BMP5: variants seen among roughly 807,000 people sequenced by gnomAD.
BMP5 encodes the protein bone morphogenetic protein 5.
Under a neutral mutation model 46.6 loss-of-function variants are expected in BMP5, and 23 were observed. That is an observed-to-expected ratio of 0.49 (90% confidence interval 0.35 to 0.70). BMP5 has a LOEUF of 0.70. Ranked by LOEUF, BMP5 falls within the 30% of genes least tolerant of loss-of-function variation. The probability of loss-of-function intolerance (pLI) is 0.00; values close to 1 mark genes in which losing one functional copy is unlikely to be tolerated. For missense variants in BMP5, 545 were observed against 565.6 expected (o/e 0.96, Z 0.37); for synonymous variants, 204 against 191.9 (o/e 1.06, Z -0.52).
At chr6:55,870,943 C>T (rs2127556600) in intron 1 of BMP5, among the ~76,000 whole-genome samples, 1 of 151,954 alleles carries the variant, frequency 6.6e-6, no homozygotes, top group Admixed American at 6.6e-5. Context: ...TCAACTTTTT[C>T]CAGAGGAATA....
intron 6 of BMP5, among the ~76,000 whole-genome samples, chr6:55,757,824 A>C (rs1582039934): frequency 6.6e-6 from 1 of 151,930 alleles, no homozygotes; most frequent in Non-Finnish European, 1.5e-5. Flanking sequence ...GATAACGTTC[A>C]TGCTCTAGTT....
chr6:55,833,775 C>T (rs1477292987), intron 1 of BMP5, among the ~76,000 whole-genome samples: 2 of 152,118 alleles, frequency 1.3e-5, no homozygotes, highest in African/African-American at 4.8e-5. Context: ...TATAGTGTCT[C>T]TTTTCTTCTT....
At chr6:55,814,868 G>A (rs563128919) in intron 2 of BMP5, among the ~76,000 whole-genome samples, 5 of 152,262 alleles carry the variant, frequency 3.3e-5, no homozygotes, top group African/African-American at 4.8e-5. Flanking sequence ...GGTGGCTCAC[G>A]CCTGTAATCC....
chr6:55,870,028 C>CA (rs1193789037), intron 1 of BMP5, among the ~76,000 whole-genome samples: 1 of 151,524 alleles, frequency 6.6e-6, no homozygotes, highest in Non-Finnish European at 1.5e-5. Context: ...GAGGAAAGGC[C>CA]AAAAAATACT....
intron 3 of BMP5, 75 bp downstream of exon 3, chr6:55,794,204 A>G: frequency 6.7e-7 from 1 of 1,490,072 alleles, no homozygotes; most frequent in Non-Finnish European, 9.3e-7. Context: ...TATATTGGTT[A>G]TATCACATAA....
intron 1 of BMP5, among the ~76,000 whole-genome samples, chr6:55,856,607 A>G (rs1307485765): frequency 6.6e-6 from 1 of 151,792 alleles, no homozygotes; most frequent in Non-Finnish European, 1.5e-5. Context: ...GTGGTATCTC[A>G]TTTTAGTTTT....
intron 2 of BMP5, among the ~76,000 whole-genome samples, chr6:55,797,086 G>C (rs1197723409): frequency 7.9e-5 from 12 of 152,108 alleles, no homozygotes. Context: ...GAATATGCTT[G>C]AGGAGAATCA....
intron 1 of BMP5, among the ~76,000 whole-genome samples, chr6:55,867,871 AGC>A (rs1562079495): frequency 1.3e-5 from 2 of 152,226 alleles, no homozygotes; most frequent in Non-Finnish European, 1.5e-5. Context: ...GCTGCTAGTA[AGC>A]GTGGAATATG....
rs193247896 is a variant in BMP5 at position 55,835,084 on chromosome 6, C to T, written c.491-15237G>A. Among the ~76,000 whole-genome samples the T allele has an allele frequency of 1.6e-3, 236 of 143,432 alleles. 1 individual carries two copies. Among genetic ancestry groups the T allele is most frequent in the African/African-American group, 6.1e-3 (224 of 36,870 alleles). The allele number at this position is 143,432 out of a possible 152,430, so 94.1% of individuals were successfully genotyped here. On this transcript the variant is annotated intron_variant, in intron 1 of 6. Coordinates refer to ENST00000370830, the MANE Select transcript of BMP5 (RefSeq NM_021073.4). ...CTGAGCAACAAGAGTGAAACTCCAT[C>T]TCAAAAAAAAAAAAAAATTATATGT...
intron 2 of BMP5, among the ~76,000 whole-genome samples, chr6:55,817,642 C>T (rs575594201): frequency 4.6e-5 from 7 of 152,078 alleles, no homozygotes; most frequent in African/African-American, 1.4e-4. Flanking sequence ...GGAGATATAC[C>T]TAATGCTGAA....
At chr6:55,833,905 T>C (rs1413185317) in intron 1 of BMP5, among the ~76,000 whole-genome samples, 3 of 152,154 alleles carry the variant, frequency 2.0e-5, no homozygotes, top group Non-Finnish European at 4.4e-5. Flanking sequence ...ACAATGATGA[T>C]GACTATAAAA....
intron 1 of BMP5, among the ~76,000 whole-genome samples, chr6:55,838,203 T>G (rs1776867995): frequency 6.6e-6 from 1 of 152,208 alleles, no homozygotes; most frequent in Non-Finnish European, 1.5e-5. Context: ...TTGCAGTTTT[T>G]CAAGGAACCT....
chr6:55,772,079 C>A (rs2127520325), intron 4 of BMP5, among the ~76,000 whole-genome samples: 1 of 151,978 alleles, frequency 6.6e-6, no homozygotes, highest in Admixed American at 6.6e-5. Flanking sequence ...TTCTTCTTAT[C>A]AAAATATGAA....
intron 2 of BMP5, among the ~76,000 whole-genome samples, chr6:55,806,976 C>A (rs1776006017): frequency 6.6e-6 from 1 of 152,126 alleles, no homozygotes; most frequent in African/African-American, 2.4e-5. Context: ...GGGGCTGAGA[C>A]AATGGGGTTT....
chr6:55,829,565 C>T (rs1029639110), intron 1 of BMP5, among the ~76,000 whole-genome samples: 2 of 151,606 alleles, frequency 1.3e-5, no homozygotes, highest in African/African-American at 4.8e-5. Flanking sequence ...AGACAGAATC[C>T]TAATGTCACA....
At chr6:55,763,326 T>C (rs1458578158) in intron 4 of BMP5, among the ~76,000 whole-genome samples, 1 of 152,170 alleles carries the variant, frequency 6.6e-6, no homozygotes, top group Non-Finnish European at 1.5e-5. Flanking sequence ...TGTCTTTTTA[T>C]GCAGGCTAAG....
At chr6:55,827,293 G>A (rs6925427) in intron 1 of BMP5, among the ~76,000 whole-genome samples, 3,806 of 151,732 alleles carry the variant, frequency 0.025, 161 homozygotes, top group African/African-American at 0.086. Context: ...GTGCTCTTAG[G>A]AAGCAGAGGT....
At chr6:55,763,723 C>T (rs1441087485) in intron 4 of BMP5, among the ~76,000 whole-genome samples, 26 of 152,098 alleles carry the variant, frequency 1.7e-4, no homozygotes, top group Admixed American at 6.5e-5. Context: ...AGTAAACCAA[C>T]ATGTCTTATC....
At chr6:55,786,082 C>T (rs12198872) in intron 3 of BMP5, among the ~76,000 whole-genome samples, 8,896 of 151,772 alleles carry the variant, frequency 0.059, 328 homozygotes, top group Non-Finnish European at 0.084. Context: ...TGCATGCGCA[C>T]AGAAAAACAT....
Sources: allele counts gnomAD v4.1 joint callset (sites outside exome capture counted in the v4.1 genomes callset), GRCh38; gene constraint gnomAD v4.1.1; transcripts MANE v1.5; gene names NCBI Gene and HGNC (gene_info 2026-07-23, HGNC 2026-07-21).